The following PURG variants were observed in gnomAD, a reference collection of about 807,000 sequenced individuals.
PURG encodes the protein purine rich element binding protein G, also known as purine-rich element-binding protein gamma.
In PURG, 3 loss-of-function variants were observed where a neutral mutation model predicts 24.3. The observed-to-expected ratio is 0.12, with a 90% CI of 0.06 to 0.32. The LOEUF (loss-of-function observed/expected upper bound fraction) is 0.32, where lower values mean the gene tolerates loss of function less well. Among genes scored for constraint, PURG ranks in the 10% least tolerant of loss-of-function variants. The probability of loss-of-function intolerance (pLI) is 1.00; values close to 1 mark genes in which losing one functional copy is unlikely to be tolerated. For missense variants in PURG, 371 were observed against 439.1 expected (o/e 0.84, Z 1.39); for synonymous variants, 180 against 173.1 (o/e 1.04, Z -0.31).
downstream of PURG, among the ~76,000 whole-genome samples, chr8:31,029,523 TATATAG>T (rs1811150659): frequency 6.6e-6 from 1 of 151,778 alleles, no homozygotes; most frequent in South Asian, 2.1e-4. Context: ...TGTGTGTATA[TATATAG>T]ATATAGACAC....
At chr8:31,025,838 T>C (rs574556048) in intron 1 of PURG, among the ~76,000 whole-genome samples, 1 of 152,070 alleles carries the variant, frequency 6.6e-6, no homozygotes, top group African/African-American at 2.4e-5. Context: ...TTTTATATTC[T>C]TCCACCAGAG....
intron 1 of PURG, among the ~76,000 whole-genome samples, chr8:31,003,805 A>T (rs1810589764): frequency 6.6e-6 from 1 of 152,108 alleles, no homozygotes; most frequent in South Asian, 2.1e-4. Flanking sequence ...ACACCATACT[A>T]ACTTTTTGTA....
At chr8:31,003,780 A>C (rs189293226) in intron 1 of PURG, among the ~76,000 whole-genome samples, 167 of 152,152 alleles carry the variant, frequency 1.1e-3, no homozygotes, top group African/African-American at 3.6e-3. Flanking sequence ...ACCAAAAAAC[A>C]AAAAAACAAA....
rs758157265 is a variant in PURG at position 31,032,324 on chromosome 8, C to G, written c.459G>C (p.Ser153=). Residue 153 remains serine, a synonymous_variant, in exon 2 of 2, where the codon TCG becomes TCC. Coordinates refer to ENST00000523392, the MANE Select transcript of PURG (RefSeq NM_001323311.2). This position sits in a 1 kb window ranked among gnomAD's most constrained non-coding sequence, Gnocchi z 5.9. ...CCACCGAGACTGGTGGGGAGGGTGC[C>G]GAGTGCTTCTGCCTCCTTCTGGAGC... The part of the protein sequence containing the change: ...EQGSRRRQKH[S]APSPPVSVGS... 1 of 1,612,910 alleles carries G rather than the reference C, an allele frequency of 6.2e-7. No individual in the cohort carries two copies. The highest frequency in any genetic ancestry group is 8.5e-7 in the Non-Finnish European group (1 of 1,180,002).
At chr8:31,007,838 A>T (rs981601232) in intron 1 of PURG, among the ~76,000 whole-genome samples, 8 of 152,130 alleles carry the variant, frequency 5.3e-5, no homozygotes, top group Admixed American at 3.3e-4. Flanking sequence ...CTCTTTTTTT[A>T]AAAAAAGAAA....
At chr8:31,028,578 T>C (rs1265102763), downstream of PURG, among the ~76,000 whole-genome samples, 1 of 151,872 alleles carries the variant, frequency 6.6e-6, no homozygotes, top group Non-Finnish European at 1.5e-5. Flanking sequence ...TGTCATTTAT[T>C]TTTTTGGCCA....
At chr8:31,018,929 C>T (rs1018389259) in intron 1 of PURG, among the ~76,000 whole-genome samples, 1 of 150,514 alleles carries the variant, frequency 6.6e-6, no homozygotes, top group African/African-American at 2.4e-5. Flanking sequence ...AGATCGAGAC[C>T]ATTCTGGCTA....
At chr8:31,007,518 T>C (rs755546494) in intron 1 of PURG, among the ~76,000 whole-genome samples, 2 of 152,230 alleles carry the variant, frequency 1.3e-5, no homozygotes, top group Non-Finnish European at 2.9e-5. Context: ...ATGACGTCTA[T>C]ATAATCTCAC....
At chr8:31,017,817 A>G (rs958843695) in intron 1 of PURG, among the ~76,000 whole-genome samples, 27 of 152,326 alleles carry the variant, frequency 1.8e-4, no homozygotes, top group African/African-American at 6.3e-4. Flanking sequence ...CTTAATTAGC[A>G]GTGCAAGAAA....
intron 1 of PURG, among the ~76,000 whole-genome samples, chr8:31,025,695 A>T (rs767880091): frequency 1.3e-5 from 2 of 151,898 alleles, no homozygotes; most frequent in Non-Finnish European, 1.5e-5. Context: ...TCATATCAAA[A>T]TGCACTCTTG....
downstream of PURG, among the ~76,000 whole-genome samples, chr8:31,026,173 G>T (rs1372727574): frequency 6.6e-6 from 1 of 151,836 alleles, no homozygotes; most frequent in Non-Finnish European, 1.5e-5. Context: ...AATAGTAACA[G>T]AATTAGTAAA....
chr8:31,022,174 T>C (rs1043374654), intron 1 of PURG, among the ~76,000 whole-genome samples: 8 of 152,166 alleles, frequency 5.3e-5, no homozygotes, highest in Non-Finnish European at 8.8e-5. Flanking sequence ...TTTAACCATG[T>C]TGGTCAGGCT....
intron 1 of PURG, among the ~76,000 whole-genome samples, chr8:31,024,204 C>T (rs896043737): frequency 6.6e-6 from 1 of 151,924 alleles, no homozygotes; most frequent in African/African-American, 2.4e-5. Flanking sequence ...TGCATTGTTC[C>T]GTTGGGTATC....
chr8:31,026,779 T>C (rs146785188), downstream of PURG, among the ~76,000 whole-genome samples: 3 of 151,218 alleles, frequency 2.0e-5, no homozygotes, highest in African/African-American at 4.8e-5. Flanking sequence ...TTGTACTATA[T>C]GTATGTTTTT....
chr8:31,031,038 G>A lies in PURG; in HGVS notation c.*701C>T, dbSNP rs1357897457. On this transcript the variant is annotated 3_prime_UTR_variant, in exon 2 of 2. Coordinates refer to ENST00000523392, the MANE Select transcript of PURG (RefSeq NM_001323311.2). ...TGGAACATTAAGTAGAGGTAAAGAA[G>A]GGATTGTAACTAAACTTAGAATAAC... The A allele has an allele frequency of 6.6e-6, 1 of 152,508 alleles. No homozygotes were observed. The highest frequency in any genetic ancestry group is 1.5e-5 in the Non-Finnish European group (1 of 67,968). 9.4% of individuals were successfully genotyped at this position (152,508 alleles called of 1,614,324 possible). A position where few individuals can be genotyped will look rare whatever the true frequency, so the allele number is the denominator to read the frequency against.
chr8:31,021,958 A>C (rs1393943355), intron 1 of PURG, among the ~76,000 whole-genome samples: 1 of 151,520 alleles, frequency 6.6e-6, no homozygotes, highest in Non-Finnish European at 1.5e-5. Context: ...CTAGGGACCA[A>C]ATTCATTTCT....
At chr8:31,026,849 T>C (rs576371249), downstream of PURG, among the ~76,000 whole-genome samples, 2 of 151,566 alleles carry the variant, frequency 1.3e-5, no homozygotes, top group African/African-American at 2.4e-5. Context: ...TGATTTAAAA[T>C]AGCATGTCAA....
At chr8:31,002,094 T>C (rs1028997792) in intron 1 of PURG, among the ~76,000 whole-genome samples, 2 of 152,196 alleles carry the variant, frequency 1.3e-5, no homozygotes, top group Non-Finnish European at 2.9e-5. Flanking sequence ...TTAACATGAA[T>C]ATGGAGACTA....
intron 1 of PURG, among the ~76,000 whole-genome samples, chr8:31,025,242 A>G (rs1811068893): frequency 6.6e-6 from 1 of 152,026 alleles, no homozygotes; most frequent in East Asian, 1.9e-4. Flanking sequence ...AGGATGGGAA[A>G]TTATTAATAT....
Sources: gnomAD v4.1 joint callset for allele counts (sites outside exome capture counted in the v4.1 genomes callset) on GRCh38, gnomAD v4.1.1 for gene constraint, Gnocchi (gnomAD v3.1) non-coding constraint, MANE v1.5 for transcripts, NCBI Gene and HGNC (gene_info 2026-07-23, HGNC 2026-07-21) for gene names.